KHDRBS2: variants seen among roughly 807,000 people sequenced by gnomAD.
The protein encoded by KHDRBS2 is KH RNA binding domain containing, signal transduction associated 2, also known as KH domain-containing, RNA-binding, signal transduction-associated protein 2.
In KHDRBS2, 26 loss-of-function variants were observed where a neutral mutation model predicts 44.3. The observed-to-expected ratio is 0.59, with a 90% CI of 0.43 to 0.81. The LOEUF (loss-of-function observed/expected upper bound fraction) is 0.81, where lower values mean the gene tolerates loss of function less well. KHDRBS2 is among the 40% of genes least tolerant of loss of function. The pLI is 0.00. For synonymous variants in KHDRBS2, 194 were observed against 151.1 expected (o/e 1.28, Z -2.08); for missense variants, 476 against 433.1 (o/e 1.10, Z -0.88).
intron 4 of KHDRBS2, among the ~76,000 whole-genome samples, chr6:61,946,029 G>C (rs1335996861): frequency 6.6e-6 from 1 of 152,138 alleles, no homozygotes; most frequent in Non-Finnish European, 1.5e-5. Flanking sequence ...GAAAGAGAGA[G>C]AGTAATGAGA....
chr6:62,028,923 AT>A lies in KHDRBS2; in HGVS notation c.336+18954del, dbSNP rs1045184221. On this transcript the variant is annotated intron_variant, in intron 3 of 8. Coordinates refer to ENST00000281156, the MANE Select transcript of KHDRBS2 (RefSeq NM_152688.4). Reference sequence around the variant, plus strand: ...AAATAACTAAAATTAAGAAGTGATAATTTTTTTTCTTCTGCCTTGAAGTAAC... The same window carrying A: ...AAATAACTAAAATTAAGAAGTGATAATTTTTTTCTTCTGCCTTGAAGTAAC... Among the ~76,000 whole-genome samples the A allele has an allele frequency of 7.9e-5, 12 of 152,020 alleles. No homozygotes were observed. The East Asian group carries it at 2.1e-3, about 27-fold the overall frequency.
At chr6:62,276,848 G>T (rs1432192581) in intron 1 of KHDRBS2, among the ~76,000 whole-genome samples, 2 of 152,128 alleles carry the variant, frequency 1.3e-5, no homozygotes, top group Non-Finnish European at 2.9e-5. Context: ...TGGTGTAATG[G>T]TTACACGTGG....
At chr6:62,135,624 C>T (rs1303459236) in intron 2 of KHDRBS2, among the ~76,000 whole-genome samples, 1 of 151,942 alleles carries the variant, frequency 6.6e-6, no homozygotes, top group Non-Finnish European at 1.5e-5. Context: ...ATGGAAACAA[C>T]CTCAGTGTCC....
At chr6:61,930,444 T>C (rs1230514523) in intron 4 of KHDRBS2, among the ~76,000 whole-genome samples, 1 of 143,744 alleles carries the variant, frequency 7.0e-6, no homozygotes, top group Non-Finnish European at 1.5e-5. Flanking sequence ...TCAAGGGGAA[T>C]AACTTCTAGT....
intron 4 of KHDRBS2, among the ~76,000 whole-genome samples, chr6:61,904,079 A>G (rs574656249): frequency 6.6e-6 from 1 of 152,200 alleles, no homozygotes; most frequent in Admixed American, 6.5e-5. Flanking sequence ...AGCATGGTAC[A>G]TGAGAGATAT....
At chr6:61,548,326 G>A in the KHDRBS2 span, among the ~76,000 whole-genome samples, 3 of 152,064 alleles carry the variant, frequency 2.0e-5, no homozygotes, top group African/African-American at 4.8e-5. Flanking sequence ...TAATAAGGCA[G>A]GAAGCTGAAA....
At chr6:61,902,691 G>C (rs1804277811) in intron 4 of KHDRBS2, among the ~76,000 whole-genome samples, 1 of 152,116 alleles carries the variant, frequency 6.6e-6, no homozygotes, top group Non-Finnish European at 1.5e-5. Flanking sequence ...CACTATATTT[G>C]TAGAGGTTTG....
chr6:62,011,827 G>A (rs1023289906), intron 3 of KHDRBS2, among the ~76,000 whole-genome samples: 16 of 152,110 alleles, frequency 1.1e-4, no homozygotes, highest in South Asian at 2.1e-4. Context: ...TTTCATTCAC[G>A]TTCACTTTAT....
chr6:61,886,335 C>T (rs561599374), intron 6 of KHDRBS2, among the ~76,000 whole-genome samples: 32 of 152,144 alleles, frequency 2.1e-4, no homozygotes, highest in Non-Finnish European at 3.8e-4. Context: ...TTGAAAGTTT[C>T]CTTTTCTTGT....
chr6:61,920,688 G>T (rs1389793957), intron 4 of KHDRBS2, among the ~76,000 whole-genome samples: 5 of 151,882 alleles, frequency 3.3e-5, no homozygotes, highest in African/African-American at 9.7e-5. Flanking sequence ...GCAAATAGTT[G>T]AGTCAGAAGC....
chr6:62,215,392 G>A (rs1360191502), intron 1 of KHDRBS2, among the ~76,000 whole-genome samples: 2 of 151,624 alleles, frequency 1.3e-5, no homozygotes, highest in Non-Finnish European at 2.9e-5. Flanking sequence ...ATAGAGACTG[G>A]TTATGATTAC....
chr6:61,607,603 T>C, the KHDRBS2 span, among the ~76,000 whole-genome samples: 1 of 119,130 alleles, frequency 8.4e-6, no homozygotes, highest in African/African-American at 3.2e-5. Context: ...CTAGACAAAA[T>C]GGATGATTTT....
the KHDRBS2 span, among the ~76,000 whole-genome samples, chr6:61,628,177 G>A: frequency 7.4e-6 from 1 of 134,414 alleles, no homozygotes; most frequent in African/African-American, 2.8e-5. Flanking sequence ...ATGTGCTTTG[G>A]CTTCAGTTCA....
intron 4 of KHDRBS2, among the ~76,000 whole-genome samples, chr6:61,963,255 A>T (rs1224788918): frequency 6.6e-6 from 1 of 152,106 alleles, no homozygotes; most frequent in Non-Finnish European, 1.5e-5. Flanking sequence ...ATGGAATATG[A>T]TATGAAAACA....
At chr6:61,947,690 T>G (rs1273114481) in intron 4 of KHDRBS2, among the ~76,000 whole-genome samples, 1 of 151,960 alleles carries the variant, frequency 6.6e-6, no homozygotes, top group African/African-American at 2.4e-5. Context: ...AAAAAAGTAG[T>G]GTGAATTTTC....
At chr6:62,269,200 C>G (rs1286381979) in intron 1 of KHDRBS2, among the ~76,000 whole-genome samples, 1 of 151,954 alleles carries the variant, frequency 6.6e-6, no homozygotes, top group African/African-American at 2.4e-5. Flanking sequence ...GCAAAGATTT[C>G]TTAGAGAGGA....
At chr6:61,843,406 T>C (rs1034718214) in intron 6 of KHDRBS2, among the ~76,000 whole-genome samples, 1 of 151,070 alleles carries the variant, frequency 6.6e-6, no homozygotes, top group Admixed American at 6.6e-5. Context: ...CCTCACCCAG[T>C]AGAGTGCAGT....
At chr6:61,713,084 T>C (rs1490343429) in intron 7 of KHDRBS2, among the ~76,000 whole-genome samples, 23 of 151,626 alleles carry the variant, frequency 1.5e-4, no homozygotes, top group Admixed American at 1.5e-3. Context: ...TATATATTTT[T>C]GGCCCAGATG....
chr6:62,149,391 G>A (rs1348745609), intron 2 of KHDRBS2, among the ~76,000 whole-genome samples: 1 of 151,894 alleles, frequency 6.6e-6, no homozygotes, highest in African/African-American at 2.4e-5. Flanking sequence ...GATCCTATGA[G>A]GAGCCTTTCC....
Sources: allele counts gnomAD v4.1 joint callset (sites outside exome capture counted in the v4.1 genomes callset), GRCh38; gene constraint gnomAD v4.1.1; transcripts MANE v1.5; gene names NCBI Gene and HGNC (gene_info 2026-07-23, HGNC 2026-07-21).